The following GRIK3 variants were observed in gnomAD, a reference collection of about 807,000 sequenced individuals.
GRIK3 encodes glutamate receptor ionotropic, kainate 3.
GRIK3 carries 29 observed loss-of-function variants against 102.5 expected under a neutral mutation model. The observed-to-expected ratio is 0.28, with a 90% CI of 0.21 to 0.39. The LOEUF (loss-of-function observed/expected upper bound fraction) is 0.39, where lower values mean the gene tolerates loss of function less well. Among genes scored for constraint, GRIK3 ranks in the 10% least tolerant of loss-of-function variants. The probability of loss-of-function intolerance (pLI) is 1.00; values close to 1 mark genes in which losing one functional copy is unlikely to be tolerated. For missense variants in GRIK3, 908 were observed against 1,252.4 expected, an observed-to-expected ratio of 0.73 and a Z score of 4.15; for synonymous variants, 511 against 504.9, an observed-to-expected ratio of 1.01 and a Z score of -0.16.
intron 1 of GRIK3, among the ~76,000 whole-genome samples, chr1:36,961,533 C>T (rs1412243641): frequency 6.6e-6 from 1 of 152,160 alleles, no homozygotes; most frequent in Non-Finnish European, 1.5e-5. Context: ...AGCACAGATG[C>T]CCACCGGGCC....
chr1:36,822,694 G>A (rs1642709233), intron 11 of GRIK3, among the ~76,000 whole-genome samples: 1 of 152,156 alleles, frequency 6.6e-6, no homozygotes, highest in South Asian at 2.1e-4. Context: ...TATGGCCAAA[G>A]CTCTTGCTTC....
At chr1:36,875,496 G>C (rs950936403) in intron 3 of GRIK3, among the ~76,000 whole-genome samples, 3 of 152,264 alleles carry the variant, frequency 2.0e-5, no homozygotes, top group Non-Finnish European at 4.4e-5. Context: ...GTTTTGGCCA[G>C]TGGGATGTTG....
At chr1:36,848,430 T>C (rs749631551) in intron 9 of GRIK3, among the ~76,000 whole-genome samples, 16 of 152,234 alleles carry the variant, frequency 1.1e-4, no homozygotes, top group Non-Finnish European at 1.8e-4. Flanking sequence ...GCTTTTAATC[T>C]TTTAGCACCT....
At chr1:36,923,876 T>C (rs1406776255) in intron 1 of GRIK3, among the ~76,000 whole-genome samples, 7 of 152,102 alleles carry the variant, frequency 4.6e-5, no homozygotes, top group African/African-American at 1.7e-4. Flanking sequence ...TGGTTGGCTG[T>C]AAACACATGC....
At chr1:36,840,186 A>T (rs765444189) in intron 10 of GRIK3, among the ~76,000 whole-genome samples, 2 of 151,288 alleles carry the variant, frequency 1.3e-5, no homozygotes, top group Non-Finnish European at 2.9e-5. Flanking sequence ...TGTTAATAAC[A>T]GTACCTACCT....
At chr1:36,908,249 GA>G (rs1017016854) in intron 1 of GRIK3, among the ~76,000 whole-genome samples, 3 of 152,200 alleles carry the variant, frequency 2.0e-5, no homozygotes, top group Non-Finnish European at 2.9e-5. Flanking sequence ...GCTTCCAGGG[GA>G]CCTGACCTAA....
At chr1:36,832,084 TC>T (rs1200316656) in intron 10 of GRIK3, among the ~76,000 whole-genome samples, 6 of 446 alleles carry the variant, frequency 0.013, no homozygotes, top group African/African-American at 0.044. Context: ...TGGCGACTGC[TC>T]TACTGCTCTC....
chr1:36,849,306 C>T (rs1011619181), intron 9 of GRIK3, among the ~76,000 whole-genome samples: 4 of 152,162 alleles, frequency 2.6e-5, no homozygotes, highest in African/African-American at 9.7e-5. Flanking sequence ...CATCTGAGCA[C>T]CGTGGAAGGG....
chr1:37,033,121 G>T (rs1487597855), intron 1 of GRIK3, among the ~76,000 whole-genome samples: 1 of 152,208 alleles, frequency 6.6e-6, no homozygotes, highest in African/African-American at 2.4e-5. Context: ...CATGCGCGGC[G>T]CTCAGGCCTG....
chr1:36,826,606 A>G (rs972525728), intron 10 of GRIK3, among the ~76,000 whole-genome samples: 2 of 151,704 alleles, frequency 1.3e-5, no homozygotes, highest in African/African-American at 4.8e-5. Flanking sequence ...GCTGGGAGGT[A>G]GAGGCTGCAG....
At position 36,921,593 on chromosome 1, in the gene GRIK3, T is replaced by C. The variant is rs184211664; in HGVS notation, c.116-30497A>G. 2.1e-5 allele frequency among the ~76,000 whole-genome samples: 3 copies of C among 144,232 alleles called. No homozygotes were observed. In the Admixed American group the frequency reaches 2.2e-4, roughly 10 times the overall value. The allele number at this position is 144,232 out of a possible 152,430, so 94.6% of individuals were successfully genotyped here. ...GCAGCTAGTGCTATTTTTATTACCA[T>C]ATTTCATTGATTTCAAATCACACTT... On this transcript the variant is annotated intron_variant, in intron 1 of 15. Transcript: ENST00000373091.
intron 1 of GRIK3, among the ~76,000 whole-genome samples, chr1:36,996,078 CA>C (rs1251890013): frequency 6.6e-6 from 1 of 152,222 alleles, no homozygotes; most frequent in African/African-American, 2.4e-5. Context: ...AGCCTGTGGT[CA>C]GCACCATCCA....
At chr1:37,017,369 T>TAAAAAAAAAAA (rs774819790) in intron 1 of GRIK3, among the ~76,000 whole-genome samples, 4 of 48,520 alleles carry the variant, frequency 8.2e-5, no homozygotes, top group African/African-American at 3.1e-4. Flanking sequence ...CCCTGTCTCT[T>TAAAAAAAAAAA]AAAAAAAAAA....
At chr1:36,958,186 C>CA (rs1491202330) in intron 1 of GRIK3, among the ~76,000 whole-genome samples, 2 of 105,894 alleles carry the variant, frequency 1.9e-5, no homozygotes, top group Non-Finnish European at 3.9e-5. Flanking sequence ...GTCTGTGCCC[C>CA]TGAGTCTGTG....
At position 36,947,279 on chromosome 1, in the gene GRIK3, C is replaced by T. The variant is rs72919520; in HGVS notation, c.116-56183G>A. 8.2e-3 allele frequency among the ~76,000 whole-genome samples: 1,248 copies of T among 152,212 alleles called. 18 individuals carry two copies. The highest frequency in any genetic ancestry group is 0.048 in the South Asian group (231 of 4,818). ...CAGAAAATGCCACCTTCACACAGCC[C>T]TGGCATCTGCCCCTCCTCTTGCCCT... On this transcript the variant is annotated intron_variant, in intron 1 of 15. Transcript: ENST00000373091.
At chr1:36,884,045 C>A (rs1236040441) in intron 2 of GRIK3, among the ~76,000 whole-genome samples, 1 of 152,186 alleles carries the variant, frequency 6.6e-6, no homozygotes, top group Non-Finnish European at 1.5e-5. Flanking sequence ...TAACACGGGG[C>A]AGAACAGCAG....
At chr1:36,862,883 C>G (rs558587215) in intron 5 of GRIK3, among the ~76,000 whole-genome samples, 4 of 152,162 alleles carry the variant, frequency 2.6e-5, no homozygotes, top group Non-Finnish European at 4.4e-5. Flanking sequence ...TATGTTCTGC[C>G]TCGTCTGGCA....
chr1:36,930,083 T>C (rs1641571047), intron 1 of GRIK3, among the ~76,000 whole-genome samples: 1 of 152,182 alleles, frequency 6.6e-6, no homozygotes, highest in African/African-American at 2.4e-5. Flanking sequence ...ATGTCTTTTA[T>C]GACCTGGCAT....
rs149798936 is a variant in GRIK3, at chr1:36,902,935, G to A, written c.116-11839C>T. 5.0e-3 allele frequency among the ~76,000 whole-genome samples: 763 copies of A among 152,076 alleles called. 2 individuals are homozygous for A. Among genetic ancestry groups the A allele is most frequent in the African/African-American group, 0.018 (726 of 41,474 alleles). ...CTCCTGAGTAGCTGGGATAAGAGGC[G>A]TCCACCACCACATCCGGCTAATTTT... is the stretch of plus-strand genomic sequence containing the variant. On this transcript the variant is annotated intron_variant, in intron 1 of 15. Coordinates refer to ENST00000373091, the MANE Select transcript of GRIK3 (RefSeq NM_000831.4).
Sources: allele counts gnomAD v4.1 joint callset (sites outside exome capture counted in the v4.1 genomes callset), GRCh38; gene constraint gnomAD v4.1.1; transcripts MANE v1.5; gene names NCBI Gene and HGNC (gene_info 2026-07-23, HGNC 2026-07-21).